SYNE1: variants seen among roughly 807,000 people sequenced by gnomAD.
The protein encoded by SYNE1 is nesprin-1.
SYNE1 carries 616 observed loss-of-function variants against 1,111.0 expected under a neutral mutation model. The ratio of observed to expected loss-of-function variants is 0.55; its 90% CI spans 0.52 to 0.59. SYNE1 has a LOEUF of 0.59. Among genes scored for constraint, SYNE1 ranks in the 20% least tolerant of loss-of-function variants. The probability of loss-of-function intolerance (pLI) is 0.00; values close to 1 mark genes in which losing one functional copy is unlikely to be tolerated. For missense variants in SYNE1, 10,006 were observed against 10,417.0 expected (o/e 0.96, Z 1.72); for synonymous variants, 3,855 against 3,825.8 (o/e 1.01, Z -0.28).
rs80069832 is a variant in SYNE1 at position 152,419,907 on chromosome 6, A to G, written c.5268-185T>C. Among the ~76,000 whole-genome samples the G allele has an allele frequency of 0.022, 3,354 of 152,296 alleles. 50 individuals are homozygous for G. Among genetic ancestry groups the G allele is most frequent in the Non-Finnish European group, 0.035 (2,360 of 68,020 alleles). Reference sequence around the variant, plus strand: ...CTCACAATCTTCCCTGTCTCAGTGAACATTGCCACCATTCACCCTGTTGGT... The same window carrying G: ...CTCACAATCTTCCCTGTCTCAGTGAGCATTGCCACCATTCACCCTGTTGGT... On this transcript the variant is annotated intron_variant, in intron 39 of 145. Coordinates refer to ENST00000367255, the MANE Select transcript of SYNE1 (RefSeq NM_182961.4).
chr6:152,158,959 T>C (rs2152977330), intron 131 of SYNE1, among the ~76,000 whole-genome samples: 1 of 152,362 alleles, frequency 6.6e-6, no homozygotes, highest in East Asian at 1.9e-4. Flanking sequence ...TTCAACTTTT[T>C]TTCTTTTTTT....
rs771891751 is a variant in SYNE1 at position 152,498,802 on chromosome 6, T to C, written c.889-10A>G. ...AACCTGGAAGTATTTCCTAACAATA[T>C]GAAAAGATAATATATAGAAATATAA... On this transcript the variant is annotated splice_polypyrimidine_tract_variant and intron_variant, in intron 10 of 145. Coordinates refer to ENST00000367255, the MANE Select transcript of SYNE1 (RefSeq NM_182961.4). 1.4e-6 allele frequency: 2 copies of C among 1,453,938 alleles called. No homozygotes were observed. The highest frequency in any genetic ancestry group is 9.4e-7 in the Non-Finnish European group (1 of 1,059,592). 90.1% of individuals were successfully genotyped at this position (1,453,938 alleles called of 1,614,324 possible).
chr6:152,328,380 TTTTATTTATTTA>T (rs56379838), intron 78 of SYNE1, among the ~76,000 whole-genome samples: 5,963 of 137,516 alleles, frequency 0.043, 134 homozygotes, highest in African/African-American at 0.056. Flanking sequence ...TCTTATTTTA[TTTTATTTATTTA>T]TTTATTTATT....
chr6:152,466,974 C>T (rs933127811), intron 16 of SYNE1, among the ~76,000 whole-genome samples: 12 of 152,054 alleles, frequency 7.9e-5, no homozygotes, highest in Non-Finnish European at 1.6e-4. Flanking sequence ...GTATAGCACG[C>T]TGATGAATGC....
Position 152,225,798 on chromosome 6 carries a change from T to C in SYNE1, c.21274A>G (p.Lys7092Glu). The change falls in exon 116 of 146, where the codon AAG (lysine) becomes GAG (glutamate). Residue 7092 changes from lysine to glutamate, a missense_variant. By Grantham distance (56) the Lys-to-Glu change is moderately conservative. Around this residue, in one of 7 missense-constraint regions of SYNE1, gnomAD observed 2,182 missense variants for 2,287.8 expected, o/e 0.95. Coordinates refer to ENST00000367255, the MANE Select transcript of SYNE1 (RefSeq NM_182961.4). ...EQNGLALIQN[K>E]KEDVSSIVMS... is the part of the protein sequence containing the mutation. ...ACAATGCTAGAGACGTCTTCTTTCT[T>C]GTTCTGAATCAAAGCAAGTCCATTC... 6.2e-7 allele frequency: 1 copy of C among 1,614,140 alleles called. No individual in the cohort carries two copies. Among genetic ancestry groups the C allele is most frequent in the Non-Finnish European group, 8.5e-7 (1 of 1,180,008 alleles).
intron 59 of SYNE1, among the ~76,000 whole-genome samples, chr6:152,369,827 C>T (rs2097147540): frequency 6.6e-6 from 1 of 151,506 alleles, no homozygotes; most frequent in Admixed American, 6.6e-5. Context: ...TACTAAAATA[C>T]AAAAAATTAG....
chr6:152,398,577 G>A (rs759131837), intron 49 of SYNE1, 42 bp downstream of exon 49: 203 of 1,541,432 alleles, frequency 1.3e-4, no homozygotes, highest in South Asian at 2.5e-4. Flanking sequence ...AGGCACCTGA[G>A]TACATTTTGG....
chr6:152,356,297 C>T (rs2096836928), intron 66 of SYNE1, among the ~76,000 whole-genome samples: 1 of 151,590 alleles, frequency 6.6e-6, no homozygotes, highest in Non-Finnish European at 1.5e-5. Flanking sequence ...CAGTAGTTGA[C>T]TAATCTATTA....
At chr6:152,225,990 G>C (rs1392111911) in intron 115 of SYNE1, 114 bp from the exon 116 acceptor site, 13 of 1,037,542 alleles carry the variant, frequency 1.3e-5, no homozygotes, top group Non-Finnish European at 1.8e-5. Flanking sequence ...AATCCAAAAA[G>C]CTTATCTCTT....
At chr6:152,440,040 C>T (rs1228945492) in intron 32 of SYNE1, among the ~76,000 whole-genome samples, 3 of 152,138 alleles carry the variant, frequency 2.0e-5, no homozygotes, top group East Asian at 1.9e-4. Flanking sequence ...CCATTGTCTC[C>T]GTCAGACTCA....
At chr6:152,400,882 A>C (rs942558522) in intron 47 of SYNE1, among the ~76,000 whole-genome samples, 40 of 152,250 alleles carry the variant, frequency 2.6e-4, no homozygotes, top group African/African-American at 8.9e-4. Context: ...AAAAACTTTG[A>C]ACAAGCATAG....
intron 93 of SYNE1, among the ~76,000 whole-genome samples, chr6:152,298,162 T>G (rs2094980783): frequency 6.6e-6 from 1 of 152,240 alleles, no homozygotes; most frequent in African/African-American, 2.4e-5. Flanking sequence ...ATGTCACATT[T>G]CATTTTCACA....
At chr6:152,591,568 C>T (rs1316243046) in intron 3 of SYNE1, among the ~76,000 whole-genome samples, 2 of 152,050 alleles carry the variant, frequency 1.3e-5, no homozygotes, top group African/African-American at 2.4e-5. Flanking sequence ...TGGAAGACAA[C>T]CTAGGAAATA....
chr6:152,238,458 T>C (rs776584276), intron 108 of SYNE1, among the ~76,000 whole-genome samples: 29 of 152,216 alleles, frequency 1.9e-4, no homozygotes, highest in Non-Finnish European at 4.1e-4. Context: ...TAACTATTAT[T>C]ACAGAGATTT....
intron 104 of SYNE1, among the ~76,000 whole-genome samples, chr6:152,252,919 A>T (rs948921314): frequency 1.3e-5 from 2 of 152,228 alleles, no homozygotes; most frequent in African/African-American, 4.8e-5. Flanking sequence ...GTGACTGGTG[A>T]TAATTACCAA....
At chr6:152,629,158 G>A (rs1000573966) in intron 2 of SYNE1, among the ~76,000 whole-genome samples, 3 of 152,048 alleles carry the variant, frequency 2.0e-5, no homozygotes, top group African/African-American at 7.2e-5. Context: ...CTAGGGTGGG[G>A]TGGGTGAAGC....
rs909589026 is a variant in SYNE1, at chr6:152,255,727, T to C, written c.19124A>G (p.Gln6375Arg). Residue 6375 changes from glutamine (Q) to arginine (R), a missense_variant, in exon 103 of 146, where the codon CAG (glutamine) becomes CGG (arginine). Transcript: ENST00000367255. ...VSSQSGGAKR[Q>R]SIHLEQKLYD... is the part of the protein sequence containing the mutation. ...CAACTTCTGCTCCAAGTGTATACTC[T>C]GCCTCTTTGCCCCTCCACTCTGGGA... 40 of 1,614,098 alleles carry C rather than the reference T, an allele frequency of 2.5e-5. No individual in the cohort carries two copies. The highest frequency in any genetic ancestry group is 3.3e-5 in the Non-Finnish European group (39 of 1,180,054).
rs1191444694 is a variant in SYNE1 at position 152,269,261 on chromosome 6, C to T, written c.18599G>A (p.Ser6200Asn). ...MQGTAQEKEE[S>N]DVDLTATQSP... Reference sequence around the variant, plus strand: ...CTGCGTGGCTGTTAGGTCAACATCGCTCTCCTCCTTCTCCTGTGCTGTTCC... The same window carrying T: ...CTGCGTGGCTGTTAGGTCAACATCGTTCTCCTCCTTCTCCTGTGCTGTTCC... The change falls in exon 99 of 146, where the codon AGC becomes AAC. Residue 6200 changes from serine to asparagine, a missense_variant. Ser to Asn is a conservative substitution (Grantham distance 46). Transcript: ENST00000367255. 6 of 1,614,082 alleles carry T rather than the reference C, an allele frequency of 3.7e-6. No individual in the cohort carries two copies. The East Asian group carries it at 6.7e-5, about 18-fold the overall frequency.
Position 152,381,322 on chromosome 6 carries a change from C to T in SYNE1, c.8693G>A (p.Ser2898Asn). Residue 2898 changes from serine (S) to asparagine (N), a missense_variant, in exon 56 of 146, where the codon AGC becomes AAC. Around this residue, in one of 7 missense-constraint regions of SYNE1, gnomAD observed 4,955 missense variants for 5,017.2 expected, o/e 0.99. Coordinates refer to ENST00000367255, the MANE Select transcript of SYNE1 (RefSeq NM_182961.4). ...TTCGGGAGCCAGCGACTCCACTCTG[C>T]TGAGACGGCTTGCACCAATCTCTCT... is the stretch of plus-strand genomic sequence containing the variant. ...DSREIGASRL[S>N]RVESLAPEVK... 1 of 1,614,046 alleles carries T rather than the reference C, an allele frequency of 6.2e-7. No homozygotes were observed. Among genetic ancestry groups the T allele is most frequent in the South Asian group, 1.1e-5 (1 of 91,088 alleles).
Sources: gnomAD v4.1 joint callset for allele counts (sites outside exome capture counted in the v4.1 genomes callset) on GRCh38, gnomAD v4.1.1 for gene constraint, gnomAD v4.1.1 regional missense constraint, MANE v1.5 for transcripts, NCBI Gene and HGNC (gene_info 2026-07-23, HGNC 2026-07-21) for gene names.